The following TNR variants were observed in gnomAD, a reference collection of about 807,000 sequenced individuals.
The protein encoded by TNR is tenascin-R.
TNR carries 45 observed loss-of-function variants against 150.4 expected under a neutral mutation model. That is an observed-to-expected ratio of 0.30 (90% CI 0.24 to 0.38). The LOEUF is 0.38. TNR is among the 10% of genes least tolerant of loss of function. The pLI is 1.00. For missense variants in TNR, 1,544 were observed against 1,759.1 expected, an observed-to-expected ratio of 0.88 and a Z score of 2.19; for synonymous variants, 687 against 678.4, an observed-to-expected ratio of 1.01 and a Z score of -0.20.
At chr1:175,399,887 G>C (rs1329682916) in intron 4 of TNR, among the ~76,000 whole-genome samples, 5 of 152,258 alleles carry the variant, frequency 3.3e-5, no homozygotes, top group Admixed American at 3.3e-4. Context: ...TTAGTTCCAT[G>C]ATGTGTCTTA....
At chr1:175,377,871 C>A (rs1652484622) in intron 9 of TNR, among the ~76,000 whole-genome samples, 1 of 152,172 alleles carries the variant, frequency 6.6e-6, no homozygotes, top group South Asian at 2.1e-4. Flanking sequence ...TTCTGCACAG[C>A]ATCTCCTTTA....
intron 1 of TNR, among the ~76,000 whole-genome samples, chr1:175,667,104 C>T (rs1665552148): frequency 6.6e-6 from 1 of 152,180 alleles, no homozygotes; most frequent in South Asian, 2.1e-4. Flanking sequence ...CCTTCCTCAT[C>T]CTTCTTCACC....
chr1:175,564,812 C>T (rs868417489), intron 1 of TNR, among the ~76,000 whole-genome samples: 1 of 152,146 alleles, frequency 6.6e-6, no homozygotes, highest in Non-Finnish European at 1.5e-5. Context: ...AAGCACTCAC[C>T]TCCAATTTTC....
rs377476590 is a variant in TNR, at chr1:175,410,416, C to A, written c.-63-3639G>T. On this transcript the variant is annotated intron_variant, in intron 2 of 22. Coordinates refer to ENST00000367674, the MANE Select transcript of TNR (RefSeq NM_003285.3). The stretch of plus-strand genomic sequence containing the variant: ...TTCATGGAGGAGATGAAAACACAAG[C>A]AATATAACGACAATGCAATGTGATA... Among the ~76,000 whole-genome samples the A allele has an allele frequency of 2.2e-4, 33 of 152,284 alleles. 1 individual carries two copies. The highest frequency in any genetic ancestry group is 2.1e-3 in the South Asian group (10 of 4,822).
At chr1:175,712,414 G>C (rs892131410) in intron 1 of TNR, among the ~76,000 whole-genome samples, 1 of 152,146 alleles carries the variant, frequency 6.6e-6, no homozygotes. Context: ...AATAACTCAA[G>C]AGTCCAAGCA....
chr1:175,377,315 T>C (rs1231384930), intron 9 of TNR, among the ~76,000 whole-genome samples: 2 of 152,232 alleles, frequency 1.3e-5, no homozygotes, highest in Non-Finnish European at 2.9e-5. Flanking sequence ...TGGGGTTTTC[T>C]ATCTCTCTCA....
intron 1 of TNR, among the ~76,000 whole-genome samples, chr1:175,545,004 T>C (rs1388298948): frequency 6.6e-6 from 1 of 152,182 alleles, no homozygotes; most frequent in African/African-American, 2.4e-5. Flanking sequence ...TCATCCTGGA[T>C]CCCTAAATGC....
intron 1 of TNR, among the ~76,000 whole-genome samples, chr1:175,699,887 A>G (rs1666636683): frequency 6.6e-6 from 1 of 151,814 alleles, no homozygotes; most frequent in African/African-American, 2.4e-5. Context: ...CCTTCCTGGT[A>G]TTTGTATCAC....
chr1:175,690,849 T>C (rs1346057729), intron 1 of TNR, among the ~76,000 whole-genome samples: 1 of 152,096 alleles, frequency 6.6e-6, no homozygotes, highest in East Asian at 1.9e-4. Flanking sequence ...GGAGAGAAGA[T>C]TGAACATATT....
At chr1:175,460,246 G>A (rs1199839194) in intron 2 of TNR, among the ~76,000 whole-genome samples, 2 of 152,076 alleles carry the variant, frequency 1.3e-5, no homozygotes, top group African/African-American at 4.8e-5. Context: ...CGTGCCCAAG[G>A]TAGAGTGACC....
chr1:175,379,518 A>C, intron 9 of TNR, 34 bp downstream of exon 9: 1 of 1,591,760 alleles, frequency 6.3e-7, no homozygotes, highest in Non-Finnish European at 8.6e-7. Context: ...AGACTCAGCA[A>C]CCAGCATAAC....
At chr1:175,371,108 G>A (rs760373217) in intron 9 of TNR, among the ~76,000 whole-genome samples, 9 of 151,170 alleles carry the variant, frequency 6.0e-5, no homozygotes, top group African/African-American at 9.7e-5. Flanking sequence ...CATAGCCAGT[G>A]CACTTAGATA....
In TNR at chr1:175,642,984, C is replaced by T. The variant is rs146249730; in HGVS notation, c.-165+100242G>A. Reference sequence around the variant, plus strand: ...ATAATATGTAAAAGCAAGTATTGAGCCTAAAATAGGATAATGACAACTGGA... The same window carrying T: ...ATAATATGTAAAAGCAAGTATTGAGTCTAAAATAGGATAATGACAACTGGA... On this transcript the variant is annotated intron_variant, in intron 1 of 22. Transcript: ENST00000367674. 1.4e-3 allele frequency among the ~76,000 whole-genome samples: 206 copies of T among 152,086 alleles called. 4 individuals are homozygous for T. Among genetic ancestry groups the T allele is most frequent in the African/African-American group, 4.8e-3 (198 of 41,480 alleles).
chr1:175,670,541 T>G (rs1003881143), intron 1 of TNR, among the ~76,000 whole-genome samples: 1 of 152,220 alleles, frequency 6.6e-6, no homozygotes, highest in African/African-American at 2.4e-5. Context: ...TAGTGAGCAC[T>G]TACCAGGTGG....
chr1:175,568,259 T>A (rs758784024), intron 1 of TNR, among the ~76,000 whole-genome samples: 26 of 152,146 alleles, frequency 1.7e-4, no homozygotes, highest in Non-Finnish European at 2.9e-4. Flanking sequence ...TGAAGTATGA[T>A]GATGGATCAC....
chr1:175,480,783 A>G (rs1386299788), intron 2 of TNR, among the ~76,000 whole-genome samples: 1 of 151,240 alleles, frequency 6.6e-6, no homozygotes, highest in Non-Finnish European at 1.5e-5. Context: ...TTTTTTTCTG[A>G]CCTCCCTCTT....
chr1:175,554,962 C>T (rs1353725774), intron 1 of TNR, among the ~76,000 whole-genome samples: 20 of 152,162 alleles, frequency 1.3e-4, no homozygotes, highest in Admixed American at 1.3e-3. Flanking sequence ...AAGGGCTAGG[C>T]TAGAACACAG....
rs765651301 is a variant in TNR, at chr1:175,364,983, ACCTGCTGCCAAGT to A, written c.2587+14_2587+26del. On this transcript the variant is annotated intron_variant, in intron 12 of 22. Transcript: ENST00000367674. The stretch of plus-strand genomic sequence containing the variant: ...GGCTACTGTGAAAACCCCTTTCATC[ACCTGCTGCCAAGT>A]CCTCCAGCCTCACCTGTGGTGATGG... The A allele has an allele frequency of 3.8e-6, 6 of 1,575,242 alleles. No homozygotes were observed. The African/African-American group carries it at 8.2e-5, about 21-fold the overall frequency.
intron 2 of TNR, among the ~76,000 whole-genome samples, chr1:175,456,607 A>G (rs1656584002): frequency 7.0e-6 from 1 of 142,980 alleles, no homozygotes; most frequent in Admixed American, 7.1e-5. Context: ...GCCTAAGTGT[A>G]CTGAAGAATG....
Sources: allele counts gnomAD v4.1 joint callset (sites outside exome capture counted in the v4.1 genomes callset), GRCh38; gene constraint gnomAD v4.1.1; transcripts MANE v1.5; gene names NCBI Gene and HGNC (gene_info 2026-07-23, HGNC 2026-07-21).